The following VRK1 variants were observed in gnomAD, a reference collection of about 807,000 sequenced individuals.
VRK1 encodes the protein VRK serine/threonine kinase 1.
Under a neutral mutation model 57.1 loss-of-function variants are expected in VRK1, and 33 were observed. The ratio of observed to expected loss-of-function variants is 0.58; its 90% CI spans 0.44 to 0.77. The LOEUF (loss-of-function observed/expected upper bound fraction) is 0.77. Ranked by LOEUF, VRK1 falls within the 30% of genes least tolerant of loss-of-function variation. The pLI is 0.00. For synonymous variants in VRK1, 137 were observed against 147.8 expected (o/e 0.93, Z 0.53); for missense variants, 413 against 477.3 (o/e 0.87, Z 1.25).
At chr14:96,864,362 G>A (rs544484035) in intron 11 of VRK1, among the ~76,000 whole-genome samples, 3 of 152,226 alleles carry the variant, frequency 2.0e-5, no homozygotes, top group Non-Finnish European at 4.4e-5. Context: ...AATTTTTGGG[G>A]AAATTTATAG....
At chr14:96,801,445 CTG>C (rs1412317069) in intron 1 of VRK1, among the ~76,000 whole-genome samples, 1 of 152,182 alleles carries the variant, frequency 6.6e-6, no homozygotes, top group South Asian at 2.1e-4. Context: ...GGGAGAGAAA[CTG>C]TTAATGTTTC....
chr14:96,837,548 G>A (rs1450029276), intron 2 of VRK1, among the ~76,000 whole-genome samples: 1 of 152,044 alleles, frequency 6.6e-6, no homozygotes, highest in Non-Finnish European at 1.5e-5. Flanking sequence ...TCATATAGAA[G>A]AAACCAGAAA....
intron 1 of VRK1, among the ~76,000 whole-genome samples, chr14:96,816,102 G>A (rs939427232): frequency 1.3e-5 from 2 of 152,092 alleles, no homozygotes; most frequent in African/African-American, 2.4e-5. Context: ...GACTAGTAGG[G>A]TTGTATCAGG....
chr14:96,827,719 A>G (rs536215340), intron 1 of VRK1, among the ~76,000 whole-genome samples: 1 of 152,316 alleles, frequency 6.6e-6, no homozygotes, highest in Admixed American at 6.5e-5. Flanking sequence ...ACAACTTTTT[A>G]CAAATTAATA....
intron 1 of VRK1, among the ~76,000 whole-genome samples, chr14:96,828,225 C>A (rs1886874259): frequency 6.6e-6 from 1 of 152,096 alleles, no homozygotes; most frequent in South Asian, 2.1e-4. Context: ...TTGTACATGT[C>A]TTTGGGTGGA....
chr14:96,833,479 GT>G lies in VRK1; in HGVS notation c.9del (p.Val4Ter), dbSNP rs752086581. On this transcript the variant is annotated frameshift_variant, in exon 2 of 13. Coordinates refer to ENST00000216639, the MANE Select transcript of VRK1 (RefSeq NM_003384.3). LOFTEE classifies it high-confidence loss of function. MP[R>X]VKAAQAGRQS... ...TTTTATGTTATAGTGAAAATGCCTC[GT>G]GTAAAAGCAGCTCAAGCTGGAAGAC... is the stretch of plus-strand genomic sequence containing the variant. The G allele has an allele frequency of 6.2e-7, 1 of 1,613,326 alleles. No homozygotes were observed. Among genetic ancestry groups the G allele is most frequent in the Non-Finnish European group, 8.5e-7 (1 of 1,179,638 alleles).
intron 11 of VRK1, among the ~76,000 whole-genome samples, chr14:96,871,596 CTT>C (rs1420632204): frequency 1.3e-5 from 2 of 152,088 alleles, no homozygotes; most frequent in African/African-American, 4.8e-5. Context: ...TTCTCTTTTG[CTT>C]TAACTATTTT....
Position 96,837,768 on chromosome 14 carries a change from T to C in VRK1, c.167T>C (p.Met56Thr), listed in dbSNP as rs529473972. 5.1e-6 allele frequency: 8 copies of C among 1,562,482 alleles called. No individual in the cohort carries two copies. The East Asian group carries it at 1.6e-4, about 32-fold the overall frequency. The stretch of plus-strand genomic sequence containing the variant: ...ATTTTACTTTTTTAAACAGCTGATA[T>C]GAATTCTTCAGAGTCAGTTGGCAGT... Reference protein sequence around the residue: ...GGFGCIYLADMNSSESVGSDA... With the variant: ...GGFGCIYLADTNSSESVGSDA... The change falls in exon 3 of 13, where the codon ATG becomes ACG. Residue 56 changes from methionine to threonine, a missense_variant. Met to Thr is a moderately conservative substitution (Grantham distance 81, BLOSUM62 -1). Around this residue, in one of 3 missense-constraint regions of VRK1, gnomAD observed 116 missense variants for 113.6 expected, o/e 1.02. Coordinates refer to ENST00000216639, the MANE Select transcript of VRK1 (RefSeq NM_003384.3).
chr14:96,856,062 A>C, intron 8 of VRK1, 68 bp from the exon 9 acceptor site: 9 of 1,549,120 alleles, frequency 5.8e-6, no homozygotes, highest in Non-Finnish European at 7.9e-6. Flanking sequence ...TTATTACTTT[A>C]TATATACTTT....
chr14:96,811,419 C>T (rs1262889278), intron 1 of VRK1, among the ~76,000 whole-genome samples: 3 of 152,184 alleles, frequency 2.0e-5, no homozygotes, highest in South Asian at 4.1e-4. Context: ...CAGTTTCGTA[C>T]TTGAACTTTT....
intron 1 of VRK1, among the ~76,000 whole-genome samples, chr14:96,810,603 C>T (rs1286095892): frequency 6.6e-6 from 1 of 152,178 alleles, no homozygotes; most frequent in Non-Finnish European, 1.5e-5. Context: ...TTCCAGTATT[C>T]TCCACCTTAG....
At chr14:96,855,748 C>G (rs985891284) in intron 8 of VRK1, among the ~76,000 whole-genome samples, 8 of 152,152 alleles carry the variant, frequency 5.3e-5, no homozygotes, top group African/African-American at 1.9e-4. Flanking sequence ...CTTCAGCAGT[C>G]ATTTCTTCTG....
At chr14:96,829,802 CTT>C (rs1242656847) in intron 1 of VRK1, among the ~76,000 whole-genome samples, 3 of 152,096 alleles carry the variant, frequency 2.0e-5, no homozygotes, top group Admixed American at 2.0e-4. Context: ...TCTTTTCTCT[CTT>C]TTATAACCCT....
chr14:96,874,847 A>G (rs929921508), intron 11 of VRK1, among the ~76,000 whole-genome samples: 6 of 152,228 alleles, frequency 3.9e-5, no homozygotes, highest in Non-Finnish European at 7.3e-5. Context: ...CATGGTTGCC[A>G]TTAGGAAAAG....
At chr14:96,858,590 A>G (rs950312036) in intron 10 of VRK1, among the ~76,000 whole-genome samples, 5 of 152,130 alleles carry the variant, frequency 3.3e-5, no homozygotes, top group African/African-American at 1.2e-4. Context: ...GGGGTCATGT[A>G]TCTTTCCTAT....
chr14:96,848,934 T>G (rs1887827261), intron 5 of VRK1, among the ~76,000 whole-genome samples: 1 of 152,180 alleles, frequency 6.6e-6, no homozygotes, highest in African/African-American at 2.4e-5. Flanking sequence ...AACAGCATCT[T>G]AAGTGGGAGA....
intron 1 of VRK1, among the ~76,000 whole-genome samples, chr14:96,798,403 C>T (rs746225792): frequency 2.0e-5 from 3 of 152,170 alleles, no homozygotes; most frequent in Non-Finnish European, 4.4e-5. Flanking sequence ...TTCTGATGTC[C>T]TTTCTTTCAA....
At chr14:96,814,546 T>C (rs2139703563) in intron 1 of VRK1, among the ~76,000 whole-genome samples, 1 of 152,242 alleles carries the variant, frequency 6.6e-6, no homozygotes, top group South Asian at 2.1e-4. Flanking sequence ...ATTTAGACAA[T>C]ATAAAAGAGC....
chr14:96,815,753 G>C (rs537871007), intron 1 of VRK1, among the ~76,000 whole-genome samples: 2 of 151,638 alleles, frequency 1.3e-5, no homozygotes, highest in Non-Finnish European at 2.9e-5. Flanking sequence ...AAACAAATTC[G>C]TGGGCATGGT....
Sources: gnomAD v4.1 joint callset for allele counts (sites outside exome capture counted in the v4.1 genomes callset) on GRCh38, gnomAD v4.1.1 for gene constraint, gnomAD v4.1.1 regional missense constraint, MANE v1.5 for transcripts, NCBI Gene and HGNC (gene_info 2026-07-23, HGNC 2026-07-21) for gene names.